The following ZNF248 variants were observed in gnomAD, a reference collection of about 807,000 sequenced individuals.
The protein encoded by ZNF248 is zinc finger protein 248.
Under a neutral mutation model 44.3 loss-of-function variants are expected in ZNF248, and 20 were observed. The observed-to-expected ratio is 0.45, with a 90% confidence interval of 0.32 to 0.66. The LOEUF (loss-of-function observed/expected upper bound fraction) is 0.66, where lower values mean the gene tolerates loss of function less well. Among genes scored for constraint, ZNF248 ranks in the 30% least tolerant of loss-of-function variants. The pLI, the probability that ZNF248 is intolerant of heterozygous loss-of-function variation, is 0.04. For synonymous variants in ZNF248, 224 were observed against 229.0 expected, an observed-to-expected ratio of 0.98 and a Z score of 0.20; for missense variants, 654 against 677.0, an observed-to-expected ratio of 0.97 and a Z score of 0.38.
chr10:37,833,213 T>C (rs997915177), intron 5 of ZNF248, 97 bp from the exon 6 acceptor site: 2 of 1,450,508 alleles, frequency 1.4e-6, no homozygotes, highest in Admixed American at 2.6e-5. Flanking sequence ...GTCAATTCTT[T>C]TGTTTTAAAT....
At chr10:37,845,203 G>A (rs2059121586) in intron 3 of ZNF248, among the ~76,000 whole-genome samples, 1 of 151,732 alleles carries the variant, frequency 6.6e-6, no homozygotes, top group Non-Finnish European at 1.5e-5. Flanking sequence ...TGTATTTTTT[G>A]TAGAGACAGG....
intron 3 of ZNF248, among the ~76,000 whole-genome samples, chr10:37,845,983 G>A (rs1160305528): frequency 6.6e-6 from 1 of 152,198 alleles, no homozygotes; most frequent in Non-Finnish European, 1.5e-5. Flanking sequence ...CAAACCTTGG[G>A]CAGCTGGCGA....
intron 3 of ZNF248, among the ~76,000 whole-genome samples, chr10:37,842,499 C>T (rs987969412): frequency 1.3e-5 from 2 of 152,178 alleles, no homozygotes; most frequent in Non-Finnish European, 1.5e-5. Context: ...AGCCTTGAGA[C>T]GGCAGACCGC....
At chr10:37,818,702 G>C in intron 6 of ZNF248, 1 of 566,500 alleles carries the variant, frequency 1.8e-6, no homozygotes. Flanking sequence ...AATGCAGCAA[G>C]TAGGGGGTCA....
At chr10:37,767,000 A>C in the ZNF248 span, among the ~76,000 whole-genome samples, 1 of 152,046 alleles carries the variant, frequency 6.6e-6, no homozygotes, top group South Asian at 2.1e-4. Context: ...GAGCCGATGC[A>C]ATCAACTGGA....
At chr10:37,767,485 A>T in the ZNF248 span, among the ~76,000 whole-genome samples, 1 of 152,218 alleles carries the variant, frequency 6.6e-6, no homozygotes, top group African/African-American at 2.4e-5. Flanking sequence ...TTCTTAAAGA[A>T]AAGAATTTCC....
intron 6 of ZNF248, among the ~76,000 whole-genome samples, chr10:37,799,716 G>A (rs533866643): frequency 1.1e-4 from 16 of 152,178 alleles, no homozygotes; most frequent in Non-Finnish European, 2.2e-4. Context: ...ATGAATGGAA[G>A]AAAAAATACA....
At chr10:37,844,574 T>C (rs754125316) in intron 3 of ZNF248, among the ~76,000 whole-genome samples, 9 of 152,208 alleles carry the variant, frequency 5.9e-5, no homozygotes, top group Non-Finnish European at 1.2e-4. Flanking sequence ...TGTATAAAGA[T>C]GTAATCTGTA....
At chr10:37,767,171 GA>G in the ZNF248 span, among the ~76,000 whole-genome samples, 1 of 152,194 alleles carries the variant, frequency 6.6e-6, no homozygotes, top group African/African-American at 2.4e-5. Flanking sequence ...AAGTGACGGG[GA>G]GAAAGGAACC....
chr10:37,824,521 A>G (rs2054025329), downstream of ZNF248, among the ~76,000 whole-genome samples: 2 of 152,160 alleles, frequency 1.3e-5, no homozygotes, highest in Non-Finnish European at 2.9e-5. Context: ...TGTAGATCAC[A>G]TGGTACGTGT....
intron 6 of ZNF248, among the ~76,000 whole-genome samples, chr10:37,782,184 G>A (rs2047395137): frequency 6.6e-6 from 1 of 152,156 alleles, no homozygotes; most frequent in Non-Finnish European, 1.5e-5. Context: ...ACCAACTGTG[G>A]TCTTGCCTCT....
At chr10:37,797,434 C>T (rs1478539915) in intron 6 of ZNF248, among the ~76,000 whole-genome samples, 2 of 151,686 alleles carry the variant, frequency 1.3e-5, no homozygotes, top group Non-Finnish European at 2.9e-5. Context: ...CATGAGCTAC[C>T]AAAGAAAAAA....
At chr10:37,789,765 A>C (rs965668025) in intron 6 of ZNF248, among the ~76,000 whole-genome samples, 1 of 152,186 alleles carries the variant, frequency 6.6e-6, no homozygotes, top group Non-Finnish European at 1.5e-5. Context: ...GCCTGTATTC[A>C]TCTCTTTACA....
At chr10:37,850,511 G>A (rs895378294) in intron 3 of ZNF248, among the ~76,000 whole-genome samples, 2 of 152,168 alleles carry the variant, frequency 1.3e-5, no homozygotes, top group Non-Finnish European at 2.9e-5. Flanking sequence ...GAAGAATAAA[G>A]TAAAAGGAAT....
chr10:37,818,672 AAAG>A (rs1357120748), intron 6 of ZNF248: 2 of 534,578 alleles, frequency 3.7e-6, no homozygotes, highest in East Asian at 8.2e-5. Context: ...GGCTACTCAC[AAAG>A]ACCAATTTTT....
chr10:37,772,637 G>A (rs746374296), downstream of ZNF248, among the ~76,000 whole-genome samples: 5 of 152,194 alleles, frequency 3.3e-5, no homozygotes, highest in Non-Finnish European at 7.3e-5. Flanking sequence ...TCTTCTATGA[G>A]ACAGGTCACA....
chr10:37,808,038 A>G (rs1427243281), intron 6 of ZNF248, among the ~76,000 whole-genome samples: 1 of 152,102 alleles, frequency 6.6e-6, no homozygotes, highest in Non-Finnish European at 1.5e-5. Context: ...TTGATTTATC[A>G]CATGTGCATA....
At chr10:37,768,685 G>C in the ZNF248 span, among the ~76,000 whole-genome samples, 1 of 152,146 alleles carries the variant, frequency 6.6e-6, no homozygotes, top group Non-Finnish European at 1.5e-5. Context: ...ATCCAAAATT[G>C]ACACCCTAAC....
At chr10:37,770,391 A>T in the ZNF248 span, among the ~76,000 whole-genome samples, 1 of 152,256 alleles carries the variant, frequency 6.6e-6, no homozygotes, top group African/African-American at 2.4e-5. Flanking sequence ...AGGCTACAGT[A>T]ACCAAAACAG....
Sources: allele counts gnomAD v4.1 joint callset (sites outside exome capture counted in the v4.1 genomes callset), GRCh38; gene constraint gnomAD v4.1.1; transcripts MANE v1.5; gene names NCBI Gene and HGNC (gene_info 2026-07-23, HGNC 2026-07-21).